The following P4HA1 variants were observed in gnomAD, a reference collection of about 807,000 sequenced individuals.
The protein encoded by P4HA1 is prolyl 4-hydroxylase subunit alpha-1.
A neutral mutation model predicts 72.8 loss-of-function variants in P4HA1; 24 were observed. The observed-to-expected ratio is 0.33, with a 90% CI of 0.24 to 0.46. The LOEUF (loss-of-function observed/expected upper bound fraction) is 0.46. P4HA1 is among the 20% of genes least tolerant of loss of function. The pLI is 1.00. For synonymous variants in P4HA1, 201 were observed against 218.8 expected, an observed-to-expected ratio of 0.92 and a Z score of 0.72; for missense variants, 446 against 640.6, an observed-to-expected ratio of 0.70 and a Z score of 3.28.
intron 5 of P4HA1, among the ~76,000 whole-genome samples, chr10:73,066,980 A>T (rs1172430744): frequency 2.0e-5 from 3 of 152,050 alleles, no homozygotes; most frequent in Non-Finnish European, 4.4e-5. Context: ...AATACATCCC[A>T]CCTCAGCCTC....
At chr10:73,082,823 C>A (rs1263901583) in intron 1 of P4HA1, among the ~76,000 whole-genome samples, 1 of 152,152 alleles carries the variant, frequency 6.6e-6, no homozygotes, top group Non-Finnish European at 1.5e-5. Context: ...CAAATTCAGG[C>A]TCCTAAATCA....
chr10:73,031,849 T>C (rs1840440101), intron 9 of P4HA1, among the ~76,000 whole-genome samples: 1 of 152,236 alleles, frequency 6.6e-6, no homozygotes, highest in Non-Finnish European at 1.5e-5. Flanking sequence ...TTTTCACATA[T>C]GCTTTTAAGC....
At chr10:73,071,604 T>G (rs1368756993) in intron 4 of P4HA1, among the ~76,000 whole-genome samples, 1 of 152,158 alleles carries the variant, frequency 6.6e-6, no homozygotes, top group Admixed American at 6.6e-5. Context: ...TCAGTTTGAT[T>G]GTCCACATTG....
rs1841625152 is a variant in P4HA1, at chr10:73,073,781, A to G, written c.123T>C (p.Ser41=). The change falls in exon 3 of 15, where the codon TCT becomes TCC. Residue 41 remains serine, a synonymous_variant. Transcript: ENST00000394890. ...CTTCTGCCTTAATATAATCTTTCAG[A>G]GAAGTCACCAGATCTTTCTCAGTAT... The part of the protein sequence containing the change: ...LIHTEKDLVT[S]LKDYIKAEED... 6.3e-7 allele frequency: 1 copy of G among 1,593,444 alleles called. No homozygotes were observed. Among genetic ancestry groups the G allele is most frequent in the Non-Finnish European group, 8.6e-7 (1 of 1,161,666 alleles).
At chr10:73,075,953 TTGAC>T (rs1380635770) in intron 1 of P4HA1, among the ~76,000 whole-genome samples, 3 of 152,024 alleles carry the variant, frequency 2.0e-5, no homozygotes, top group African/African-American at 2.4e-5. Flanking sequence ...TGTTCTAAAA[TTGAC>T]TGGCCAGGCA....
intron 10 of P4HA1, among the ~76,000 whole-genome samples, chr10:73,017,174 T>G (rs1157440038): frequency 6.9e-6 from 1 of 144,056 alleles, no homozygotes; most frequent in Non-Finnish European, 1.5e-5. Context: ...TACAGATGTA[T>G]ATATAGATAT....
In P4HA1 at chr10:73,051,184, C is replaced by A; in HGVS notation, c.769G>T (p.Asp257Tyr). 1.2e-6 allele frequency: 2 copies of A among 1,609,776 alleles called. No homozygotes were observed. Among genetic ancestry groups the A allele is most frequent in the Non-Finnish European group, 1.7e-6 (2 of 1,176,084 alleles). Residue 257 changes from aspartate (D) to tyrosine (Y), a missense_variant, in exon 7 of 15, where the codon GAT (aspartate) becomes TAT (tyrosine). Transcript: ENST00000394890. ...YFEYIMAKEK[D>Y]VNKSASDDQS... ...TCATCTGAAGCAGACTTATTGACAT[C>A]TTTTTCTTTAGCCATTATATACTCA...
At chr10:73,044,221 G>GT (rs1290202438) in intron 9 of P4HA1, among the ~76,000 whole-genome samples, 1 of 152,010 alleles carries the variant, frequency 6.6e-6, no homozygotes, top group East Asian at 1.9e-4. Flanking sequence ...ATTTGAAGCT[G>GT]TATGTAAATG....
chr10:73,063,089 G>A (rs376867902), intron 5 of P4HA1, among the ~76,000 whole-genome samples: 11 of 151,896 alleles, frequency 7.2e-5, no homozygotes, highest in East Asian at 1.9e-4. Context: ...TCTCTATCCC[G>A]CCTTCCACTC....
chr10:73,062,991 T>A (rs1841345163), intron 5 of P4HA1, among the ~76,000 whole-genome samples: 1 of 147,372 alleles, frequency 6.8e-6, no homozygotes, highest in Non-Finnish European at 1.5e-5. Flanking sequence ...TCTGGCCCCA[T>A]TAGTCACTTA....
At chr10:73,044,495 A>C (rs1840808156) in intron 9 of P4HA1, among the ~76,000 whole-genome samples, 1 of 152,192 alleles carries the variant, frequency 6.6e-6, no homozygotes, top group African/African-American at 2.4e-5. Flanking sequence ...AACAGGAGGA[A>C]TACAGATTAC....
chr10:73,039,854 CTTTTTTTTTTTTTT>C (rs765288935), intron 9 of P4HA1, among the ~76,000 whole-genome samples: 1 of 86,998 alleles, frequency 1.1e-5, no homozygotes, highest in Non-Finnish European at 2.1e-5. Context: ...CTGAGATGGC[CTTTTTTTTTTTTTT>C]TTTTTTTTTT....
intron 9 of P4HA1, among the ~76,000 whole-genome samples, chr10:73,037,550 TATATATATATATATATATA>T (rs1228794735): frequency 4.6e-4 from 14 of 30,462 alleles, no homozygotes; most frequent in East Asian, 2.3e-3. Context: ...TATATATATA[TATATATATATATATATATA>T]TATTTTTTTT....
chr10:73,013,592 C>T (rs1839953768), intron 12 of P4HA1, among the ~76,000 whole-genome samples: 3 of 152,148 alleles, frequency 2.0e-5, no homozygotes, highest in Admixed American at 2.0e-4. Flanking sequence ...TATTTTAAAC[C>T]ACTCAGAAAG....
At chr10:73,080,215 G>C (rs1841793160) in intron 1 of P4HA1, among the ~76,000 whole-genome samples, 1 of 152,150 alleles carries the variant, frequency 6.6e-6, no homozygotes. Context: ...CTTACAATAG[G>C]AAGTTCAGAC....
chr10:73,032,707 G>A (rs577785297), intron 9 of P4HA1, among the ~76,000 whole-genome samples: 2 of 152,324 alleles, frequency 1.3e-5, no homozygotes, highest in East Asian at 3.9e-4. Context: ...CTTTAGAGAA[G>A]CTTTCCTTTA....
chr10:73,079,784 C>T (rs920778503), intron 1 of P4HA1, among the ~76,000 whole-genome samples: 11 of 152,078 alleles, frequency 7.2e-5, no homozygotes, highest in Admixed American at 4.6e-4. Flanking sequence ...ATAAAAATAA[C>T]GATACTTTGA....
chr10:73,030,792 A>AT (rs1840416118), intron 9 of P4HA1, among the ~76,000 whole-genome samples: 1 of 152,182 alleles, frequency 6.6e-6, no homozygotes, highest in Admixed American at 6.5e-5. Context: ...CTAATATTTT[A>AT]TAAGAAAAAA....
At chr10:73,050,295 A>G (rs959790631) in intron 7 of P4HA1, among the ~76,000 whole-genome samples, 1 of 152,116 alleles carries the variant, frequency 6.6e-6, no homozygotes, top group African/African-American at 2.4e-5. Flanking sequence ...TGCCCCAAAC[A>G]TATGTAATAG....
Sources: allele counts gnomAD v4.1 joint callset (sites outside exome capture counted in the v4.1 genomes callset), GRCh38; gene constraint gnomAD v4.1.1; transcripts MANE v1.5; gene names NCBI Gene and HGNC (gene_info 2026-07-23, HGNC 2026-07-21).